The following SLC4A10 variants were observed in gnomAD, a reference collection of about 807,000 sequenced individuals.
SLC4A10 encodes sodium-driven chloride bicarbonate exchanger.
SLC4A10 carries 42 observed loss-of-function variants against 137.7 expected under a neutral mutation model. That is an observed-to-expected ratio of 0.30 (90% CI 0.24 to 0.39). The LOEUF is 0.39. Among genes scored for constraint, SLC4A10 ranks in the 10% least tolerant of loss-of-function variants. SLC4A10 has a pLI of 1.00. For missense variants in SLC4A10, 925 were observed against 1,355.0 expected (o/e 0.68, Z 4.98); for synonymous variants, 474 against 464.1 (o/e 1.02, Z -0.27).
At chr2:161,788,759 G>A (rs62190667) in intron 2 of SLC4A10, among the ~76,000 whole-genome samples, 8,737 of 152,238 alleles carry the variant, frequency 0.057, 353 homozygotes, top group Non-Finnish European at 0.08. Flanking sequence ...CTGGGACACT[G>A]CCATTCTGTG....
intron 3 of SLC4A10, among the ~76,000 whole-genome samples, chr2:161,819,685 G>A (rs2057446894): frequency 6.6e-6 from 1 of 151,974 alleles, no homozygotes; most frequent in Non-Finnish European, 1.5e-5. Flanking sequence ...TAGTAGAGAC[G>A]GGGTTTCACC....
intron 1 of SLC4A10, among the ~76,000 whole-genome samples, chr2:161,676,400 T>A (rs530657680): frequency 9.2e-5 from 14 of 152,306 alleles, no homozygotes; most frequent in African/African-American, 3.1e-4. Context: ...TTTGCTAGAC[T>A]TTTGCTGGTA....
At chr2:161,644,404 G>A (rs1181412139) in intron 1 of SLC4A10, among the ~76,000 whole-genome samples, 1 of 152,110 alleles carries the variant, frequency 6.6e-6, no homozygotes, top group African/African-American at 2.4e-5. Flanking sequence ...GCTGAAGAGA[G>A]AGGATTGCTT....
intron 10 of SLC4A10, among the ~76,000 whole-genome samples, chr2:161,883,979 A>T (rs1217064482): frequency 1.3e-5 from 2 of 152,118 alleles, no homozygotes; most frequent in African/African-American, 4.8e-5. Context: ...CTCCAGGTTG[A>T]TGTGTATTTT....
intron 1 of SLC4A10, among the ~76,000 whole-genome samples, chr2:161,641,355 A>G (rs2035297491): frequency 6.6e-6 from 1 of 152,146 alleles, no homozygotes; most frequent in African/African-American, 2.4e-5. Flanking sequence ...AAAAGTCATA[A>G]TATATGACAA....
chr2:161,976,678 C>G, intron 24 of SLC4A10, 82 bp from the exon 25 acceptor site: 1 of 597,112 alleles, frequency 1.7e-6, no homozygotes, highest in Non-Finnish European at 2.8e-6. Flanking sequence ...TATATGATTG[C>G]CCTATATTTA....
chr2:161,717,951 A>G (rs2045130488), intron 1 of SLC4A10, among the ~76,000 whole-genome samples: 1 of 152,070 alleles, frequency 6.6e-6, no homozygotes, highest in Admixed American at 6.6e-5. Flanking sequence ...GGCTATTTTT[A>G]CTGCCTCAAT....
intron 19 of SLC4A10, among the ~76,000 whole-genome samples, chr2:161,953,354 A>C (rs1392905000): frequency 1.3e-5 from 2 of 152,184 alleles, no homozygotes; most frequent in Non-Finnish European, 2.9e-5. Flanking sequence ...TCACGCCTGT[A>C]ATCCCAGCAC....
chr2:161,760,406 C>T (rs2050136846), intron 1 of SLC4A10, among the ~76,000 whole-genome samples: 1 of 151,894 alleles, frequency 6.6e-6, no homozygotes, highest in African/African-American at 2.4e-5. Flanking sequence ...TCTCAAAGTT[C>T]TACTTTTTTA....
chr2:161,930,904 T>TTTTTGTTTTGTTTTGTTTTG (rs370252753), intron 15 of SLC4A10, among the ~76,000 whole-genome samples: 51 of 148,058 alleles, frequency 3.4e-4, no homozygotes, highest in Admixed American at 1.1e-3. Flanking sequence ...CTGCCACATG[T>TTTTTGTTTTGTTTTGTTTTG]TTTTGTTTTG....
At chr2:161,900,298 A>C (rs1682769922) in intron 11 of SLC4A10, among the ~76,000 whole-genome samples, 1 of 152,136 alleles carries the variant, frequency 6.6e-6, no homozygotes, top group Non-Finnish European at 1.5e-5. Context: ...TATGAGTTAG[A>C]AAGACCTATA....
chr2:161,656,507 G>A (rs144465233), intron 1 of SLC4A10, among the ~76,000 whole-genome samples: 141 of 152,108 alleles, frequency 9.3e-4, no homozygotes, highest in African/African-American at 3.1e-3. Flanking sequence ...TAAATGAGGA[G>A]GTGTAGAATG....
intron 1 of SLC4A10, among the ~76,000 whole-genome samples, chr2:161,664,216 C>G (rs2038777655): frequency 1.3e-5 from 2 of 151,840 alleles, no homozygotes; most frequent in South Asian, 4.1e-4. Context: ...TTTTGGTTAT[C>G]TCTTTAACCA....
chr2:161,637,103 G>A lies in SLC4A10; in HGVS notation c.48+12537G>A, dbSNP rs370776738. ...TACGTATATACATATACGTATATAC[G>A]TATTTATGTATATATATCTATATAC... On this transcript the variant is annotated intron_variant, in intron 1 of 26. Transcript: ENST00000446997. 1.1e-4 allele frequency among the ~76,000 whole-genome samples: 13 copies of A among 122,708 alleles called. 1 individual carries two copies. In the East Asian group the frequency reaches 1.1e-3, roughly 10 times the overall value. 80.5% of individuals were successfully genotyped at this position (122,708 alleles called of 152,430 possible).
intron 2 of SLC4A10, among the ~76,000 whole-genome samples, chr2:161,778,884 G>A (rs577127571): frequency 6.6e-6 from 1 of 151,912 alleles, no homozygotes; most frequent in African/African-American, 2.4e-5. Context: ...TGGGCAAAAA[G>A]AATCAGCTTA....
chr2:161,708,103 C>T (rs2043885180), intron 1 of SLC4A10, among the ~76,000 whole-genome samples: 1 of 151,088 alleles, frequency 6.6e-6, no homozygotes, highest in East Asian at 1.9e-4. Context: ...AAATGAAATT[C>T]CTGAAAATTA....
chr2:161,945,176 T>TTGTGTGTG (rs10637760), intron 16 of SLC4A10, among the ~76,000 whole-genome samples: 1 of 105,562 alleles, frequency 9.5e-6, no homozygotes, highest in Non-Finnish European at 1.8e-5. Flanking sequence ...GTACTTAAGT[T>TTGTGTGTG]TGTGTGTATA....
At chr2:161,963,990 C>T in intron 21 of SLC4A10, 145 bp from the exon 22 acceptor site, 3 of 600,746 alleles carry the variant, frequency 5.0e-6, no homozygotes, top group South Asian at 5.1e-5. Flanking sequence ...CATAACAATC[C>T]CATTGTCTTG....
intron 10 of SLC4A10, among the ~76,000 whole-genome samples, chr2:161,894,422 A>G (rs1161341788): frequency 6.6e-6 from 1 of 151,954 alleles, no homozygotes; most frequent in Non-Finnish European, 1.5e-5. Context: ...GCTTCCTTTC[A>G]TCCTCCTTTT....
Sources: gnomAD v4.1 joint callset for allele counts (sites outside exome capture counted in the v4.1 genomes callset) on GRCh38, gnomAD v4.1.1 for gene constraint, MANE v1.5 for transcripts, NCBI Gene and HGNC (gene_info 2026-07-23, HGNC 2026-07-21) for gene names.